The following POLN variants were observed in gnomAD, a reference collection of about 807,000 sequenced individuals.
POLN encodes DNA polymerase N.
POLN carries 108 observed loss-of-function variants against 113.5 expected under a neutral mutation model. That is an observed-to-expected ratio of 0.95 (90% confidence interval 0.81 to 1.12). The LOEUF (loss-of-function observed/expected upper bound fraction) is 1.12. Among genes scored for constraint, POLN ranks in the 50% most tolerant of loss-of-function variants. The probability of loss-of-function intolerance (pLI) is 0.00; values close to 1 mark genes in which losing one functional copy is unlikely to be tolerated. For synonymous variants in POLN, 386 were observed against 391.5 expected (o/e 0.99, Z 0.17); for missense variants, 1,097 against 1,077.1 (o/e 1.02, Z -0.26).
chr4:2,148,668 C>T (rs1405763863), intron 16 of POLN, among the ~76,000 whole-genome samples: 6 of 39,572 alleles, frequency 1.5e-4, no homozygotes, highest in Middle Eastern at 0.013. Flanking sequence ...CTCTGTCCCC[C>T]CCCCAAAAAA....
chr4:2,167,245 G>A (rs1732751601), intron 13 of POLN, among the ~76,000 whole-genome samples: 1 of 152,178 alleles, frequency 6.6e-6, no homozygotes, highest in South Asian at 2.1e-4. Flanking sequence ...CAGAAATGAT[G>A]AGTGGCTGGT....
chr4:2,139,467 C>T (rs372492984), intron 16 of POLN, among the ~76,000 whole-genome samples: 4 of 152,170 alleles, frequency 2.6e-5, no homozygotes, highest in African/African-American at 9.7e-5. Flanking sequence ...TAGCAATGTG[C>T]GCTGCACACA....
Position 2,081,460 on chromosome 4 carries a change from T to G in POLN, c.2308+173A>C, listed in dbSNP as rs558076906. 1.5e-5 allele frequency: 10 copies of G among 670,460 alleles called. No individual in the cohort carries two copies. In the African/African-American group the frequency reaches 1.6e-4, roughly 11 times the overall value. 41.5% of individuals were successfully genotyped at this position (670,460 alleles called of 1,614,324 possible). ...CTACAAAGATGACCGTGTCCCCTCA[T>G]GCCTCCTGACAGTAACTGCCAGGCA... On this transcript the variant is annotated intron_variant, in intron 22 of 25. Coordinates refer to ENST00000511885, the MANE Select transcript of POLN (RefSeq NM_181808.4).
Position 2,179,006 on chromosome 4 carries a change from G to A in POLN, c.1179+302C>T, listed in dbSNP as rs150351281. On this transcript the variant is annotated intron_variant, in intron 8 of 25. Transcript: ENST00000511885. ...ACTGTGGCCACGTCACCAGCCCTAA[G>A]GATTTATCAATGAGTGGCATTCTGT... Among the ~76,000 whole-genome samples the A allele has an allele frequency of 4.1e-3, 626 of 152,242 alleles. 9 individuals carry two copies. Among genetic ancestry groups the A allele is most frequent in the East Asian group, 0.037 (192 of 5,172 alleles).
chr4:2,082,381 T>A (rs1446191485), intron 21 of POLN, among the ~76,000 whole-genome samples: 1 of 152,114 alleles, frequency 6.6e-6, no homozygotes, highest in Non-Finnish European at 1.5e-5. Flanking sequence ...CTCTGGACTG[T>A]GTGGGATGGA....
chr4:2,122,426 C>T (rs563569501), intron 19 of POLN, among the ~76,000 whole-genome samples: 3 of 152,276 alleles, frequency 2.0e-5, no homozygotes, highest in African/African-American at 7.2e-5. Context: ...CAGGGTGCAC[C>T]TGTGTTCAGA....
intron 4 of POLN, among the ~76,000 whole-genome samples, chr4:2,210,007 TTATA>T (rs139428211): frequency 6.8e-6 from 1 of 146,162 alleles, no homozygotes; most frequent in African/African-American, 2.5e-5. Flanking sequence ...TAAATTTACT[TTATA>T]TATATATATA....
At chr4:2,121,515 G>A (rs1328232278) in intron 19 of POLN, among the ~76,000 whole-genome samples, 2 of 151,108 alleles carry the variant, frequency 1.3e-5, no homozygotes, top group Non-Finnish European at 2.9e-5. Flanking sequence ...GAAATTTTAA[G>A]GGACAAACTC....
intron 19 of POLN, among the ~76,000 whole-genome samples, chr4:2,105,313 C>G (rs1225514639): frequency 6.6e-6 from 1 of 152,124 alleles, no homozygotes; most frequent in Non-Finnish European, 1.5e-5. Context: ...ATCTGGATGG[C>G]AGCAATAGTC....
intron 3 of POLN, among the ~76,000 whole-genome samples, chr4:2,225,562 GAAAGA>G (rs948720164): frequency 1.4e-4 from 21 of 147,334 alleles, no homozygotes; most frequent in African/African-American, 4.3e-4. Flanking sequence ...TCAAAAAAAA[GAAAGA>G]AAAGAAAAGA....
Position 2,157,914 on chromosome 4 carries a change from A to G in POLN, c.1612-3T>C, listed in dbSNP as rs1407314787. 6.2e-7 allele frequency: 1 copy of G among 1,600,614 alleles called. No homozygotes were observed. The highest frequency in any genetic ancestry group is 1.7e-5 in the Admixed American group (1 of 59,428). On this transcript the variant is annotated splice_region_variant and splice_polypyrimidine_tract_variant and intron_variant, in intron 14 of 25. Transcript: ENST00000511885. Reference sequence around the variant, plus strand: ...AAGGTTGACTTGATCTTGTGAACCTAAGGTGGAAAGACAAGAATAATCATT... The same window carrying G: ...AAGGTTGACTTGATCTTGTGAACCTGAGGTGGAAAGACAAGAATAATCATT...
At chr4:2,117,279 G>C (rs1245702491) in intron 19 of POLN, among the ~76,000 whole-genome samples, 1 of 152,246 alleles carries the variant, frequency 6.6e-6, no homozygotes, top group Non-Finnish European at 1.5e-5. Flanking sequence ...GGCTAACCCT[G>C]AGTCAGTGGG....
In POLN at chr4:2,143,746, T is replaced by A. The variant is rs187260232; in HGVS notation, c.1732-12456A>T. On this transcript the variant is annotated intron_variant, in intron 16 of 25. Coordinates refer to ENST00000511885, the MANE Select transcript of POLN (RefSeq NM_181808.4). ...CCAGATGAAGACAGATTAATATCCCTCATAAACATACACACAAAATCCTTT... is the reference window on the plus strand; with the variant it reads ...CCAGATGAAGACAGATTAATATCCCACATAAACATACACACAAAATCCTTT... Among the ~76,000 whole-genome samples, 27 of 152,258 alleles carry A rather than the reference T, an allele frequency of 1.8e-4. 1 individual carries two copies. Among genetic ancestry groups the A allele is most frequent in the Admixed American group, 1.7e-3 (26 of 15,288 alleles).
At chr4:2,163,766 A>C (rs55829085) in intron 13 of POLN, among the ~76,000 whole-genome samples, 6,104 of 152,250 alleles carry the variant, frequency 0.04, 166 homozygotes, top group Middle Eastern at 0.051. Flanking sequence ...AGGGCAGAGG[A>C]CCATTATCCC....
At position 2,126,546 on chromosome 4, in the gene POLN, G is replaced by A. The variant is rs556510634; in HGVS notation, c.1982+1567C>T. 6.6e-6 allele frequency among the ~76,000 whole-genome samples: 1 copy of A among 152,234 alleles called. No homozygotes were observed. The highest frequency in any genetic ancestry group is 1.5e-5 in the Non-Finnish European group (1 of 68,004). ...AGAGCAATACATGGGAATGTGCATC[G>A]GACCAGAGAGGAGCAGAGACCAGAG... On this transcript the variant is annotated intron_variant, in intron 19 of 25. Coordinates refer to ENST00000511885, the MANE Select transcript of POLN (RefSeq NM_181808.4). The surrounding 1 kb of genome is among the most constrained non-coding windows in gnomAD (Gnocchi z 4.6).
At chr4:2,118,359 A>G (rs948022354) in intron 19 of POLN, among the ~76,000 whole-genome samples, 3 of 152,162 alleles carry the variant, frequency 2.0e-5, no homozygotes, top group African/African-American at 7.2e-5. Context: ...AATCATCGAT[A>G]TATTTAAATG....
intron 7 of POLN, among the ~76,000 whole-genome samples, chr4:2,185,224 C>G (rs533574939): frequency 6.6e-6 from 1 of 152,364 alleles, no homozygotes; most frequent in Non-Finnish European, 1.5e-5. Context: ...TAGTCTTTCT[C>G]TCCCAAATCT....
At chr4:2,201,087 G>A (rs1437556953) in intron 5 of POLN, among the ~76,000 whole-genome samples, 1 of 151,826 alleles carries the variant, frequency 6.6e-6, no homozygotes, top group East Asian at 1.9e-4. Flanking sequence ...CTAACATGGT[G>A]AAACTCCATC....
At position 2,238,748 on chromosome 4, in the gene POLN, T is replaced by C. The variant is rs143360308; in HGVS notation, c.-13+2772A>G. 4,026 of 1,613,830 alleles carry C rather than the reference T, an allele frequency of 2.5e-3. 36 individuals are homozygous for C. The highest frequency in any genetic ancestry group is 3.1e-3 in the Middle Eastern group (19 of 6,058). ...TTGAACCAAATTTTCAAGTTGACGA[T>C]ATATGTCCCGATGCTTTCTTAATTC... On this transcript the variant is annotated intron_variant, in intron 2 of 25. Coordinates refer to ENST00000511885, the MANE Select transcript of POLN (RefSeq NM_181808.4).
Sources: gnomAD v4.1 joint callset for allele counts (sites outside exome capture counted in the v4.1 genomes callset) on GRCh38, gnomAD v4.1.1 for gene constraint, Gnocchi (gnomAD v3.1) non-coding constraint, MANE v1.5 for transcripts, NCBI Gene and HGNC (gene_info 2026-07-23, HGNC 2026-07-21) for gene names.